The following ISM1 variants were observed in gnomAD, a reference collection of about 807,000 sequenced individuals.
ISM1 encodes isthmin-1.
In ISM1, 25 loss-of-function variants were observed where a neutral mutation model predicts 46.3. The ratio of observed to expected loss-of-function variants is 0.54; its 90% confidence interval spans 0.39 to 0.75. The LOEUF (loss-of-function observed/expected upper bound fraction) is 0.75, where lower values mean the gene tolerates loss of function less well. Among genes scored for constraint, ISM1 ranks in the 30% least tolerant of loss-of-function variants. The pLI, the probability that ISM1 is intolerant of heterozygous loss-of-function variation, is 0.00. For missense variants in ISM1, 536 were observed against 625.4 expected (o/e 0.86, Z 1.52); for synonymous variants, 255 against 256.7 (o/e 0.99, Z 0.06).
chr20:13,279,993 G>A (rs2040220955), intron 3 of ISM1, 95 bp downstream of exon 3: 8 of 1,244,790 alleles, frequency 6.4e-6, no homozygotes, highest in Non-Finnish European at 8.8e-6. Flanking sequence ...CTTAGAGCAT[G>A]TGGCTTTTGG....
At chr20:13,223,423 G>A (rs917387045) in intron 1 of ISM1, among the ~76,000 whole-genome samples, 1 of 152,122 alleles carries the variant, frequency 6.6e-6, no homozygotes, top group African/African-American at 2.4e-5. Flanking sequence ...ACAAGACATG[G>A]TACTGTTAAT....
rs138110305 is a variant in ISM1 at position 13,249,548 on chromosome 20, G to A, written c.139-20956G>A. Reference sequence around the variant, plus strand: ...CATTTACAACCAAATTATACACCTCGGAAAATAAACGAGCTTTCATTTTGG... The same window carrying A: ...CATTTACAACCAAATTATACACCTCAGAAAATAAACGAGCTTTCATTTTGG... On this transcript the variant is annotated intron_variant, in intron 1 of 5. Coordinates refer to ENST00000262487, the MANE Select transcript of ISM1 (RefSeq NM_080826.2). Among the ~76,000 whole-genome samples the A allele has an allele frequency of 4.6e-4, 70 of 152,280 alleles. No homozygotes were observed. The East Asian group carries it at 0.011, about 25-fold the overall frequency.
the ISM1 span, among the ~76,000 whole-genome samples, chr20:13,322,208 A>G: frequency 1.8e-4 from 27 of 152,244 alleles, no homozygotes; most frequent in African/African-American, 6.5e-4. Context: ...ACAGCTTTTT[A>G]GGTCCAAGCA....
chr20:13,263,762 A>G (rs2040014382), intron 1 of ISM1, among the ~76,000 whole-genome samples: 1 of 152,242 alleles, frequency 6.6e-6, no homozygotes, highest in Admixed American at 6.5e-5. Flanking sequence ...AAAAGGAAAC[A>G]AGCATTGTCG....
chr20:13,251,962 C>G (rs2039872972), intron 1 of ISM1, among the ~76,000 whole-genome samples: 1 of 140,136 alleles, frequency 7.1e-6, no homozygotes, highest in Non-Finnish European at 1.5e-5. Flanking sequence ...CAAGCTGAAG[C>G]AAGCAAGCAA....
the ISM1 span, among the ~76,000 whole-genome samples, chr20:13,322,284 C>T: frequency 0.033 from 5,066 of 152,272 alleles, 132 homozygotes; most frequent in Middle Eastern, 0.099. Context: ...GTTTGTGCTG[C>T]ATCTCCTGGG....
chr20:13,310,914 C>T, the ISM1 span, among the ~76,000 whole-genome samples: 2 of 152,206 alleles, frequency 1.3e-5, no homozygotes, highest in African/African-American at 2.4e-5. Context: ...TATAAAGAGG[C>T]CAGGCACGGT....
At chr20:13,247,471 C>T (rs118165966) in intron 1 of ISM1, among the ~76,000 whole-genome samples, 6 of 151,112 alleles carry the variant, frequency 4.0e-5, no homozygotes, top group Admixed American at 1.3e-4. Flanking sequence ...ACACCTTCGC[C>T]GGATGCTGTG....
At chr20:13,309,199 C>G in the ISM1 span, among the ~76,000 whole-genome samples, 1 of 151,784 alleles carries the variant, frequency 6.6e-6, no homozygotes, top group African/African-American at 2.4e-5. Flanking sequence ...AGACTAAGCA[C>G]CAACTTCAAG....
At chr20:13,237,408 A>G (rs2039663890) in intron 1 of ISM1, among the ~76,000 whole-genome samples, 1 of 152,250 alleles carries the variant, frequency 6.6e-6, no homozygotes, top group Non-Finnish European at 1.5e-5. Context: ...AATGACAACT[A>G]TATGCAACAT....
intron 3 of ISM1, among the ~76,000 whole-genome samples, chr20:13,285,362 C>T (rs1024849990): frequency 1.3e-5 from 2 of 152,214 alleles, no homozygotes; most frequent in South Asian, 2.1e-4. Flanking sequence ...AGTTCTCTCC[C>T]TCACAAGTCC....
chr20:13,266,713 C>T, intron 1 of ISM1, among the ~76,000 whole-genome samples: 1 of 152,180 alleles, frequency 6.6e-6, no homozygotes. Context: ...GGTCATGATG[C>T]TTTCCTTAAA....
chr20:13,314,455 TAA>T, the ISM1 span, among the ~76,000 whole-genome samples: 2 of 150,948 alleles, frequency 1.3e-5, no homozygotes, highest in Non-Finnish European at 3.0e-5. Flanking sequence ...ACATAAGCAA[TAA>T]AAGAGTGGAG....
chr20:13,319,274 C>T, the ISM1 span, among the ~76,000 whole-genome samples: 2 of 152,018 alleles, frequency 1.3e-5, no homozygotes, highest in Non-Finnish European at 2.9e-5. Flanking sequence ...GCCAACTAGA[C>T]TATGAGCAAC....
At chr20:13,265,099 T>C (rs776722778) in intron 1 of ISM1, among the ~76,000 whole-genome samples, 1 of 152,160 alleles carries the variant, frequency 6.6e-6, no homozygotes, top group Non-Finnish European at 1.5e-5. Flanking sequence ...ACAGCAGGTG[T>C]CTCTGATCGT....
the ISM1 span, among the ~76,000 whole-genome samples, chr20:13,308,584 G>A: frequency 6.6e-6 from 1 of 152,104 alleles, no homozygotes; most frequent in Non-Finnish European, 1.5e-5. Flanking sequence ...TCCACCAACA[G>A]AGGAACAGAC....
intron 5 of ISM1, among the ~76,000 whole-genome samples, chr20:13,296,542 A>G (rs1165863447): frequency 1.3e-5 from 2 of 152,200 alleles, no homozygotes; most frequent in Non-Finnish European, 2.9e-5. Flanking sequence ...ATAGAGAAGT[A>G]AATAAGGGAA....
intron 1 of ISM1, among the ~76,000 whole-genome samples, chr20:13,266,221 C>T (rs565642470): frequency 2.6e-5 from 4 of 152,242 alleles, no homozygotes; most frequent in South Asian, 4.1e-4. Flanking sequence ...GGGGACTAGA[C>T]ATTGGGCAGG....
At chr20:13,298,847 C>T (rs2040432081) in intron 5 of ISM1, 95 bp from the exon 6 acceptor site, 4 of 1,277,042 alleles carry the variant, frequency 3.1e-6, no homozygotes, top group South Asian at 1.4e-5. Flanking sequence ...CTCCTGCGGG[C>T]CCTCAGGAGC....
Sources: allele counts gnomAD v4.1 joint callset (sites outside exome capture counted in the v4.1 genomes callset), GRCh38; gene constraint gnomAD v4.1.1; transcripts MANE v1.5; gene names NCBI Gene and HGNC (gene_info 2026-07-23, HGNC 2026-07-21).